TBPL2: variants seen among roughly 807,000 people sequenced by gnomAD.
TBPL2 encodes TATA box-binding protein-like 2.
Under a neutral mutation model 38.2 loss-of-function variants are expected in TBPL2, and 40 were observed. The ratio of observed to expected loss-of-function variants is 1.05; its 90% CI spans 0.81 to 1.36. The LOEUF (loss-of-function observed/expected upper bound fraction) is 1.36, where lower values mean the gene tolerates loss of function less well. Among genes scored for constraint, TBPL2 ranks in the 40% most tolerant of loss-of-function variants. The pLI, the probability that TBPL2 is intolerant of heterozygous loss-of-function variation, is 0.00. For missense variants in TBPL2, 461 were observed against 456.7 expected (o/e 1.01, Z -0.09); for synonymous variants, 169 against 171.7 (o/e 0.98, Z 0.12).
intron 6 of TBPL2, among the ~76,000 whole-genome samples, chr14:55,415,004 G>A (rs1449950817): frequency 6.6e-6 from 1 of 152,188 alleles, no homozygotes; most frequent in Non-Finnish European, 1.5e-5. Flanking sequence ...TCAAGAAATT[G>A]TAAATCATAA....
chr14:55,415,870 TAAAA>T (rs953764759), intron 6 of TBPL2, among the ~76,000 whole-genome samples: 1 of 151,664 alleles, frequency 6.6e-6, no homozygotes. Context: ...TGTCTCAAAA[TAAAA>T]AAATGTATGG....
At chr14:55,423,167 T>C (rs1885771410) in intron 6 of TBPL2, among the ~76,000 whole-genome samples, 1 of 152,244 alleles carries the variant, frequency 6.6e-6, no homozygotes, top group African/African-American at 2.4e-5. Flanking sequence ...GATTTCTGTC[T>C]CTGATTACCG....
chr14:55,436,570 G>A, exon 2 of TBPL2: 1 of 1,613,516 alleles, frequency 6.2e-7, no homozygotes, highest in Non-Finnish European at 8.5e-7. Context: ...CTGTAGTTGA[G>A]GTACAATTCC....
chr14:55,424,181 T>C (rs1885785857), exon 6 of TBPL2: 1 of 1,613,272 alleles, frequency 6.2e-7, no homozygotes, highest in Non-Finnish European at 8.5e-7. Context: ...CTTTTCCAGA[T>C]ACAAAGATAA....
At chr14:55,432,828 A>C (rs1026040006) in intron 4 of TBPL2, among the ~76,000 whole-genome samples, 1 of 152,222 alleles carries the variant, frequency 6.6e-6, no homozygotes, top group African/African-American at 2.4e-5. Flanking sequence ...TTATGGTGAA[A>C]GAATACCCAT....
In TBPL2 at chr14:55,439,618, C is replaced by CA. The variant is rs139547551; in HGVS notation, c.150+777_150+778insT. Among the ~76,000 whole-genome samples, 112 of 60,296 alleles carry CA rather than the reference C, an allele frequency of 1.9e-3. 9 individuals carry two copies. Among genetic ancestry groups the CA allele is most frequent in the African/African-American group, 8.1e-3 (106 of 13,012 alleles). The allele number at this position is 60,296 out of a possible 152,430, so 39.6% of individuals were successfully genotyped here. On this transcript the variant is annotated intron_variant, in intron 1 of 6. Transcript: ENST00000247219. ...CCAGCCTGGGGAGAAAAGCAAACCC[C>CA]CCCCCGTCTCTACTAAAAAATACAA...
At chr14:55,433,009 T>C (rs560353536) in intron 4 of TBPL2, among the ~76,000 whole-genome samples, 46 of 152,340 alleles carry the variant, frequency 3.0e-4, no homozygotes, top group African/African-American at 1.1e-3. Flanking sequence ...CCCAGACTTA[T>C]AACACACTTC....
Position 55,434,005 on chromosome 14 carries a change from A to G in TBPL2, c.697-284T>C, listed in dbSNP as rs146346958. On this transcript the variant is annotated intron_variant, in intron 3 of 6. Coordinates refer to ENST00000247219, the Ensembl canonical transcript of TBPL2. ...GAACTTGTGTTTATTATCCTCATTT[A>G]GTGCTCAGGGAAAACAAGTAGCAAT... 1.4e-3 allele frequency among the ~76,000 whole-genome samples: 210 copies of G among 152,310 alleles called. 3 individuals carry two copies. In the East Asian group the frequency reaches 0.035, roughly 25 times the overall value.
intron 3 of TBPL2, among the ~76,000 whole-genome samples, chr14:55,435,041 A>C (rs1458131936): frequency 1.3e-5 from 2 of 152,202 alleles, no homozygotes; most frequent in African/African-American, 2.4e-5. Flanking sequence ...TTGGCAGGAT[A>C]CAAGAAAGAA....
At chr14:55,427,605 G>A (rs1885845767) in intron 5 of TBPL2, among the ~76,000 whole-genome samples, 1 of 152,114 alleles carries the variant, frequency 6.6e-6, no homozygotes, top group African/African-American at 2.4e-5. Context: ...CAGGCCAAGT[G>A]CCCTAGCCCA....
At chr14:55,425,296 T>C (rs533073962) in intron 5 of TBPL2, among the ~76,000 whole-genome samples, 2 of 152,176 alleles carry the variant, frequency 1.3e-5, no homozygotes, top group African/African-American at 2.4e-5. Context: ...GGGGAGACCA[T>C]GACACTAGGG....
At chr14:55,426,717 AAAAAAAAAAG>A (rs987153925) in intron 5 of TBPL2, among the ~76,000 whole-genome samples, 49 of 151,930 alleles carry the variant, frequency 3.2e-4, no homozygotes, top group Middle Eastern at 3.4e-3. Context: ...CCAGATTAAA[AAAAAAAAAAG>A]AAAAGAAAAG....
exon 1 of TBPL2, chr14:55,440,423 C>G (rs759652328): frequency 4.3e-6 from 7 of 1,612,962 alleles, no homozygotes; most frequent in Middle Eastern, 1.6e-4. Flanking sequence ...CCAGGTAGAG[C>G]TCCAGGTAGG....
intron 6 of TBPL2, 25 bp from the exon 7 acceptor site, chr14:55,414,480 A>C (rs977504075): frequency 1.3e-6 from 2 of 1,502,280 alleles, no homozygotes; most frequent in South Asian, 1.3e-5. Context: ...AGGTTTATAT[A>C]ATTTTTAATA....
chr14:55,429,602 A>G (rs1318768833), intron 4 of TBPL2, among the ~76,000 whole-genome samples: 3 of 152,060 alleles, frequency 2.0e-5, no homozygotes, highest in African/African-American at 7.2e-5. Flanking sequence ...TGTCTCTACT[A>G]AAAATACAAA....
chr14:55,425,346 C>G (rs1885805442), intron 5 of TBPL2, among the ~76,000 whole-genome samples: 1 of 152,094 alleles, frequency 6.6e-6, no homozygotes, highest in African/African-American at 2.4e-5. Context: ...AGATCCAGGC[C>G]AAGAAAATGA....
At position 55,439,617 on chromosome 14, in the gene TBPL2, C is replaced by CCCCCCGCCG. The variant is rs1555344743; in HGVS notation, c.150+778_150+779insCGGCGGGGG. Among the ~76,000 whole-genome samples, 6 of 72,628 alleles carry CCCCCCGCCG rather than the reference C, an allele frequency of 8.3e-5. 1 individual carries two copies. Among genetic ancestry groups the CCCCCCGCCG allele is most frequent in the African/African-American group, 9.0e-5 (2 of 22,232 alleles). 47.6% of individuals were successfully genotyped at this position (72,628 alleles called of 152,430 possible). A position where few individuals can be genotyped will look rare whatever the true frequency, so the allele number is the denominator to read the frequency against. On this transcript the variant is annotated intron_variant, in intron 1 of 6. Coordinates refer to ENST00000247219, the Ensembl canonical transcript of TBPL2. The stretch of plus-strand genomic sequence containing the variant: ...ACCAGCCTGGGGAGAAAAGCAAACC[C>CCCCCCGCCG]CCCCCCGTCTCTACTAAAAAATACA...
intron 4 of TBPL2, 148 bp downstream of exon 4, chr14:55,433,482 C>T (rs1885965139): frequency 1.3e-6 from 1 of 750,078 alleles, no homozygotes; most frequent in Non-Finnish European, 2.2e-6. Flanking sequence ...GTGTTTTTAA[C>T]CCAAAATGTG....
intron 6 of TBPL2, among the ~76,000 whole-genome samples, chr14:55,415,555 CAATG>C (rs1247768873): frequency 6.6e-6 from 1 of 152,188 alleles, no homozygotes; most frequent in Non-Finnish European, 1.5e-5. Flanking sequence ...AAATGCCCGT[CAATG>C]GATGGATAAC....
Sources: gnomAD v4.1 joint callset for allele counts (sites outside exome capture counted in the v4.1 genomes callset) on GRCh38, gnomAD v4.1.1 for gene constraint, MANE v1.5 for transcripts, NCBI Gene and HGNC (gene_info 2026-07-23, HGNC 2026-07-21) for gene names.